Variants in RGS22 observed in about 807,000 individuals in gnomAD.
RGS22 encodes regulator of G protein signaling 22, also known as regulator of G-protein signaling 22.
In RGS22, 148 loss-of-function variants were observed where a neutral mutation model predicts 172.9. The observed-to-expected ratio is 0.86, with a 90% CI of 0.75 to 0.98. The LOEUF (loss-of-function observed/expected upper bound fraction) is 0.98. Among genes scored for constraint, RGS22 ranks in the 50% least tolerant of loss-of-function variants. RGS22 has a pLI of 0.00. For missense variants in RGS22, 1,347 were observed against 1,440.8 expected, an observed-to-expected ratio of 0.93 and a Z score of 1.05; for synonymous variants, 458 against 480.2, an observed-to-expected ratio of 0.95 and a Z score of 0.60.
intron 12 of RGS22, among the ~76,000 whole-genome samples, chr8:100,040,450 C>G (rs1819980763): frequency 6.6e-6 from 1 of 151,846 alleles, no homozygotes. Context: ...GTTATTTTAG[C>G]CTTGAAGTGC....
chr8:100,060,421 T>TATATATATATACAC (rs1245783464), intron 9 of RGS22, among the ~76,000 whole-genome samples: 9 of 119,482 alleles, frequency 7.5e-5, no homozygotes, highest in African/African-American at 2.3e-4. Flanking sequence ...TATATATATA[T>TATATATATATACAC]ACACACACAC....
chr8:100,062,636 A>G lies in RGS22; in HGVS notation c.1469T>C (p.Leu490Ser). 1.9e-6 allele frequency: 3 copies of G among 1,605,964 alleles called. No individual in the cohort carries two copies. The highest frequency in any genetic ancestry group is 1.3e-5 in the African/African-American group (1 of 74,742). Residue 490 changes from leucine to serine, a missense_variant, in exon 9 of 28, where the codon TTA becomes TCA. Leu to Ser is a moderately radical substitution (Grantham distance 145). Transcript: ENST00000360863. ...LDGSQWNEEHLRNIQSEVLKP... is the reference protein window; with the variant it reads ...LDGSQWNEEHSRNIQSEVLKP... ...TAAAACTTCAGACTGAATATTTCTTAAATGCTCTTCATTCCACTGTGATCC... is the reference window on the plus strand; with the variant it reads ...TAAAACTTCAGACTGAATATTTCTTGAATGCTCTTCATTCCACTGTGATCC...
At chr8:100,060,038 A>C (rs1809982949) in intron 9 of RGS22, among the ~76,000 whole-genome samples, 1 of 152,086 alleles carries the variant, frequency 6.6e-6, no homozygotes, top group African/African-American at 2.4e-5. Context: ...CTTTGACTAT[A>C]AGTTTACAGT....
intron 14 of RGS22, among the ~76,000 whole-genome samples, chr8:100,034,996 G>A (rs200456243): frequency 1.3e-5 from 2 of 152,006 alleles, no homozygotes; most frequent in African/African-American, 4.8e-5. Flanking sequence ...CCTAAAACCA[G>A]AAAAACCCTA....
chr8:100,101,786 A>G (rs1049363847), intron 2 of RGS22, among the ~76,000 whole-genome samples: 4 of 151,866 alleles, frequency 2.6e-5, no homozygotes, highest in African/African-American at 9.7e-5. Flanking sequence ...TATTTTGCAG[A>G]TGTCTATAAC....
Position 100,038,852 on chromosome 8 carries a change from C to G in RGS22, c.2166+79G>C, listed in dbSNP as rs1819788354. ...CCTTTTTGCCTGCGATCCCAGATTT[C>G]TCGTTTGGGACTGGACACAATTTTC... is the stretch of plus-strand genomic sequence containing the variant. On this transcript the variant is annotated intron_variant, in intron 14 of 27. Coordinates refer to ENST00000360863, the MANE Select transcript of RGS22 (RefSeq NM_015668.5). The G allele has an allele frequency of 1.0e-5, 8 of 784,442 alleles. No individual in the cohort carries two copies. In the East Asian group the frequency reaches 2.1e-4, roughly 20 times the overall value. 48.6% of individuals were successfully genotyped at this position (784,442 alleles called of 1,614,324 possible).
intron 21 of RGS22, among the ~76,000 whole-genome samples, chr8:99,984,158 T>C (rs1358387400): frequency 1.3e-5 from 2 of 152,036 alleles, no homozygotes; most frequent in Non-Finnish European, 2.9e-5. Flanking sequence ...TGGTGGTGCA[T>C]GCCTGTAGTC....
At chr8:100,061,347 G>A (rs892587280) in intron 9 of RGS22, among the ~76,000 whole-genome samples, 6 of 152,122 alleles carry the variant, frequency 3.9e-5, no homozygotes, top group Admixed American at 1.3e-4. Flanking sequence ...CACAGCAAAG[G>A]AAACTATCAA....
rs1443320861 is a variant in RGS22 at position 100,047,569 on chromosome 8, G to A, written c.1717C>T (p.Pro573Ser). Residue 573 changes from proline (P) to serine (S), a missense_variant, in exon 11 of 28, where the codon CCT (proline) becomes TCT (serine). By Grantham distance (74) the Pro-to-Ser change is moderately conservative. Transcript: ENST00000360863. The stretch of plus-strand genomic sequence containing the variant: ...TCAGGTGATTTATTGGGAGATTTAG[G>A]AGGTTGTGATAAGCTGAATTCTTCT... ...QKEEFSLSQP[P>S]KSPNKSPEVK... The A allele has an allele frequency of 1.2e-6, 2 of 1,611,280 alleles. No homozygotes were observed. Among genetic ancestry groups the A allele is most frequent in the Non-Finnish European group, 1.7e-6 (2 of 1,179,178 alleles).
chr8:100,077,921 TG>T (rs1413822670), intron 4 of RGS22, among the ~76,000 whole-genome samples: 1 of 152,216 alleles, frequency 6.6e-6, no homozygotes, highest in Non-Finnish European at 1.5e-5. Context: ...ATATATGAGT[TG>T]TTAAGCTTTC....
At chr8:100,045,879 A>C (rs973082104) in intron 11 of RGS22, among the ~76,000 whole-genome samples, 1 of 151,924 alleles carries the variant, frequency 6.6e-6, no homozygotes, top group Non-Finnish European at 1.5e-5. Flanking sequence ...GAAATAGAGC[A>C]ATGTATAAGA....
intron 14 of RGS22, among the ~76,000 whole-genome samples, chr8:100,020,130 C>A (rs2085834): frequency 6.6e-6 from 1 of 151,994 alleles, no homozygotes; most frequent in Non-Finnish European, 1.5e-5. Context: ...GTGATCCACC[C>A]GCCTCGGCCT....
intron 2 of RGS22, among the ~76,000 whole-genome samples, chr8:100,098,083 T>C (rs1269636231): frequency 6.6e-6 from 1 of 152,242 alleles, no homozygotes; most frequent in African/African-American, 2.4e-5. Flanking sequence ...CTATCTTTTT[T>C]CTTCTCCAGA....
chr8:100,085,590 T>C (rs1812098966), intron 3 of RGS22, among the ~76,000 whole-genome samples: 2 of 152,228 alleles, frequency 1.3e-5, no homozygotes, highest in South Asian at 4.1e-4. Context: ...AATGAGTCAC[T>C]GATTCTTCAG....
At chr8:100,019,688 C>T (rs1390772660) in intron 14 of RGS22, among the ~76,000 whole-genome samples, 1 of 152,122 alleles carries the variant, frequency 6.6e-6, no homozygotes, top group Non-Finnish European at 1.5e-5. Flanking sequence ...CATGCTTCAG[C>T]ATTTTGTATC....
chr8:99,986,874 T>C (rs1193217425), intron 21 of RGS22, among the ~76,000 whole-genome samples: 1 of 152,126 alleles, frequency 6.6e-6, no homozygotes, highest in East Asian at 1.9e-4. Flanking sequence ...AATATAGACA[T>C]TGTTAGGAAA....
chr8:100,033,539 CAA>C (rs71572052), intron 14 of RGS22, among the ~76,000 whole-genome samples: 7 of 138,934 alleles, frequency 5.0e-5, no homozygotes, highest in Non-Finnish European at 3.1e-5. Flanking sequence ...GCCTACCAAC[CAA>C]AAAAAAAAAA....
At position 100,024,586 on chromosome 8, in the gene RGS22, G is replaced by T. The variant is rs192134151; in HGVS notation, c.2166+14345C>A. On this transcript the variant is annotated intron_variant, in intron 14 of 27. Transcript: ENST00000360863. ...CACGGAGAAAAAAAATATTAAAGGT[G>T]ATGTTTGACATTTAATGTTCATAAA... Among the ~76,000 whole-genome samples, 11 of 152,284 alleles carry T rather than the reference G, an allele frequency of 7.2e-5. No homozygotes were observed. The East Asian group carries it at 2.1e-3, about 29-fold the overall frequency.
chr8:100,054,762 T>C (rs1822066891), intron 9 of RGS22, among the ~76,000 whole-genome samples: 3 of 152,180 alleles, frequency 2.0e-5, no homozygotes. Flanking sequence ...TCAGAACCTT[T>C]ACTTGCAGAC....
Sources: allele counts gnomAD v4.1 joint callset (sites outside exome capture counted in the v4.1 genomes callset), GRCh38; gene constraint gnomAD v4.1.1; transcripts MANE v1.5; gene names NCBI Gene and HGNC (gene_info 2026-07-23, HGNC 2026-07-21).